The following ACTL8 variants were observed in gnomAD, a reference collection of about 807,000 sequenced individuals.
ACTL8 encodes actin-like protein 8.
A neutral mutation model predicts 9.3 loss-of-function variants in ACTL8; 3 were observed. The ratio of observed to expected loss-of-function variants is 0.32; its 90% CI spans 0.15 to 0.83. The LOEUF is 0.83. Among genes scored for constraint, ACTL8 ranks in the 40% least tolerant of loss-of-function variants. The pLI is 0.57. For missense variants in ACTL8, 381 were observed against 492.2 expected (o/e 0.77, Z 2.14); for synonymous variants, 224 against 205.9 (o/e 1.09, Z -0.75).
At chr1:17,822,155 G>T (rs1336431274) in intron 1 of ACTL8, among the ~76,000 whole-genome samples, 4 of 152,066 alleles carry the variant, frequency 2.6e-5, no homozygotes, top group African/African-American at 9.7e-5. Context: ...CTGGTGCCTC[G>T]CATGCTTGAT....
intron 1 of ACTL8, among the ~76,000 whole-genome samples, chr1:17,804,086 G>A (rs772846367): frequency 2.6e-5 from 4 of 152,276 alleles, no homozygotes; most frequent in Non-Finnish European, 1.5e-5. Context: ...AGCCCCAAAG[G>A]TAGTTCATGC....
chr1:17,756,022 T>G (rs1018758315), intron 1 of ACTL8, among the ~76,000 whole-genome samples: 1 of 151,980 alleles, frequency 6.6e-6, no homozygotes, highest in Non-Finnish European at 1.5e-5. Flanking sequence ...CTGTCACAGG[T>G]GGCAGGAGGG....
chr1:17,768,592 A>G (rs2066062468), intron 1 of ACTL8, among the ~76,000 whole-genome samples: 1 of 152,212 alleles, frequency 6.6e-6, no homozygotes, highest in South Asian at 2.1e-4. Flanking sequence ...AGTTCCTCTG[A>G]GCCAGTGAAC....
chr1:17,802,775 G>A (rs2066330908), intron 1 of ACTL8, among the ~76,000 whole-genome samples: 1 of 152,116 alleles, frequency 6.6e-6, no homozygotes, highest in Admixed American at 6.5e-5. Context: ...TTGAGGTCAG[G>A]AGTGTGAGAC....
At chr1:17,799,943 G>T (rs982897494) in intron 1 of ACTL8, among the ~76,000 whole-genome samples, 1 of 151,420 alleles carries the variant, frequency 6.6e-6, no homozygotes, top group Non-Finnish European at 1.5e-5. Context: ...CTGCTGTTCC[G>T]TTGGTCTGTC....
chr1:17,763,989 A>G (rs1405685324), intron 1 of ACTL8, among the ~76,000 whole-genome samples: 2 of 152,200 alleles, frequency 1.3e-5, no homozygotes, highest in East Asian at 3.9e-4. Context: ...TTCTATCATG[A>G]TAATCATTAT....
chr1:17,756,902 G>A (rs1445180838), intron 1 of ACTL8, among the ~76,000 whole-genome samples: 2 of 152,196 alleles, frequency 1.3e-5, no homozygotes, highest in Admixed American at 6.5e-5. Flanking sequence ...GAACTGTGGG[G>A]TGGGATGGAT....
At chr1:17,792,735 A>G (rs1259132926) in intron 1 of ACTL8, among the ~76,000 whole-genome samples, 1 of 152,194 alleles carries the variant, frequency 6.6e-6, no homozygotes, top group Non-Finnish European at 1.5e-5. Flanking sequence ...CCTCCTGCTC[A>G]TCGTGATGAC....
At chr1:17,770,800 G>C (rs2066077455) in intron 1 of ACTL8, among the ~76,000 whole-genome samples, 1 of 152,212 alleles carries the variant, frequency 6.6e-6, no homozygotes, top group East Asian at 1.9e-4. Flanking sequence ...TCAGGAAAGG[G>C]AAGTGGCTCC....
chr1:17,791,806 G>T (rs1570019308), intron 1 of ACTL8, among the ~76,000 whole-genome samples: 2 of 152,208 alleles, frequency 1.3e-5, no homozygotes, highest in African/African-American at 4.8e-5. Context: ...AATCATTATT[G>T]TTGGCTCCCA....
At chr1:17,809,219 G>C (rs1016327901) in intron 1 of ACTL8, among the ~76,000 whole-genome samples, 1 of 152,150 alleles carries the variant, frequency 6.6e-6, no homozygotes, top group African/African-American at 2.4e-5. Context: ...GGGAGAGGTA[G>C]ACAACAGCCA....
At chr1:17,815,676 G>C (rs532916343) in intron 1 of ACTL8, among the ~76,000 whole-genome samples, 24 of 152,262 alleles carry the variant, frequency 1.6e-4, no homozygotes, top group African/African-American at 5.5e-4. Flanking sequence ...GGGGTGTGCT[G>C]AGCTTCCTGG....
chr1:17,799,413 C>T, intron 1 of ACTL8, among the ~76,000 whole-genome samples: 1 of 151,646 alleles, frequency 6.6e-6, no homozygotes, highest in East Asian at 1.9e-4. Flanking sequence ...TTGCTGGTGT[C>T]TGAATGGATG....
At chr1:17,805,229 A>G (rs953485004) in intron 1 of ACTL8, among the ~76,000 whole-genome samples, 3 of 151,598 alleles carry the variant, frequency 2.0e-5, no homozygotes, top group African/African-American at 7.3e-5. Context: ...TGCCCTCACT[A>G]CTTTGGGGTC....
At chr1:17,771,566 G>A (rs987878559) in intron 1 of ACTL8, among the ~76,000 whole-genome samples, 58 of 152,232 alleles carry the variant, frequency 3.8e-4, no homozygotes, top group Non-Finnish European at 7.9e-4. Flanking sequence ...CATATAAACC[G>A]TTACTACCAG....
At chr1:17,805,377 C>CTTTT (rs56870755) in intron 1 of ACTL8, among the ~76,000 whole-genome samples, 2 of 100,190 alleles carry the variant, frequency 2.0e-5, no homozygotes, top group Non-Finnish European at 3.9e-5. Flanking sequence ...TTTTCTTTTT[C>CTTTT]TTTTTTTTTT....
At chr1:17,766,357 A>G (rs1207412699) in intron 1 of ACTL8, among the ~76,000 whole-genome samples, 1 of 152,094 alleles carries the variant, frequency 6.6e-6, no homozygotes, top group African/African-American at 2.4e-5. Flanking sequence ...GAACTTGTGC[A>G]TTCCTTGAAA....
intron 1 of ACTL8, among the ~76,000 whole-genome samples, chr1:17,766,828 T>A (rs2066047845): frequency 6.6e-6 from 1 of 151,674 alleles, no homozygotes; most frequent in South Asian, 2.1e-4. Flanking sequence ...CATTTTTTTC[T>A]CAGGGGTGTT....
intron 1 of ACTL8, among the ~76,000 whole-genome samples, chr1:17,769,318 C>T (rs895501943): frequency 2.0e-5 from 3 of 152,148 alleles, no homozygotes; most frequent in Middle Eastern, 3.2e-3. Context: ...TTCTCCTTGT[C>T]ACTGCAGAGC....
Sources: allele counts gnomAD v4.1 joint callset (sites outside exome capture counted in the v4.1 genomes callset), GRCh38; gene constraint gnomAD v4.1.1; transcripts MANE v1.5; gene names NCBI Gene and HGNC (gene_info 2026-07-23, HGNC 2026-07-21).